Variants in FXYD6 observed in about 807,000 individuals in gnomAD.
FXYD6 encodes the protein FXYD domain-containing ion transport regulator 6.
Under a neutral mutation model 16.7 loss-of-function variants are expected in FXYD6, and 7 were observed. The ratio of observed to expected loss-of-function variants is 0.42; its 90% CI spans 0.24 to 0.79. The LOEUF is 0.79. FXYD6 is among the 30% of genes least tolerant of loss of function. The pLI, the probability that FXYD6 is intolerant of heterozygous loss-of-function variation, is 0.28. For synonymous variants in FXYD6, 49 were observed against 43.0 expected (o/e 1.14, Z -0.54); for missense variants, 111 against 116.2 (o/e 0.95, Z 0.21).
chr11:117,842,050 C>T, intron 2 of FXYD6, 22 bp from the exon 3 acceptor site: 1 of 1,614,086 alleles, frequency 6.2e-7, no homozygotes, highest in Non-Finnish European at 8.5e-7. Context: ...AACAGTTGGT[C>T]AAGAGAAAGA....
Position 117,837,975 on chromosome 11 carries a change from A to G in FXYD6, c.*324T>C, listed in dbSNP as rs1451428579. ...GCCTGGGAAAGCGAGTCCACAGTTCACTAACAAACACAATACCATCCACAA... is the reference window on the plus strand; with the variant it reads ...GCCTGGGAAAGCGAGTCCACAGTTCGCTAACAAACACAATACCATCCACAA... On this transcript the variant is annotated 3_prime_UTR_variant, in exon 8 of 8. Transcript: ENST00000526014. This position sits in a 1 kb window ranked among gnomAD's most constrained non-coding sequence, Gnocchi z 4.4. 1 of 555,138 alleles carries G rather than the reference A, an allele frequency of 1.8e-6. No homozygotes were observed. The highest frequency in any genetic ancestry group is 3.2e-6 in the Non-Finnish European group (1 of 309,330). 34.4% of individuals were successfully genotyped at this position (555,138 alleles called of 1,614,324 possible).
chr11:117,874,045 G>A (rs1037895627), intron 1 of FXYD6, among the ~76,000 whole-genome samples: 20 of 152,118 alleles, frequency 1.3e-4, no homozygotes, highest in African/African-American at 3.9e-4. Context: ...AATCCTGGCC[G>A]AGGAGTTAGA....
chr11:117,859,928 C>A (rs1468149646), intron 1 of FXYD6, among the ~76,000 whole-genome samples: 1 of 152,116 alleles, frequency 6.6e-6, no homozygotes, highest in African/African-American at 2.4e-5. Flanking sequence ...CACCTTACCG[C>A]ACAGCTGGGG....
At position 117,841,656 on chromosome 11, in the gene FXYD6, C is replaced by T. The variant is rs2056347143; in HGVS notation, c.172+135G>A. ...CTATGTGCCCAGCACTCTACTGGGTCGTGAAGATAACACGGAGGGCAGGCA... is the reference window on the plus strand; with the variant it reads ...CTATGTGCCCAGCACTCTACTGGGTTGTGAAGATAACACGGAGGGCAGGCA... On this transcript the variant is annotated intron_variant, in intron 4 of 7. Transcript: ENST00000526014. 3 of 889,466 alleles carry T rather than the reference C, an allele frequency of 3.4e-6. No homozygotes were observed. In the African/African-American group the frequency reaches 4.9e-5, roughly 15 times the overall value. 55.1% of individuals were successfully genotyped at this position (889,466 alleles called of 1,614,324 possible). A position where few individuals can be genotyped will look rare whatever the true frequency, so the allele number is the denominator to read the frequency against.
rs555848680 is a variant in FXYD6, at chr11:117,854,175, T to C, written c.-5-11394A>G. ...GAGACTGGAGTCAAGATGTGGAAGG[T>C]AGATGAAACAACACATTAAGGCCTT... On this transcript the variant is annotated intron_variant, in intron 1 of 7. Transcript: ENST00000526014. 9.2e-5 allele frequency among the ~76,000 whole-genome samples: 14 copies of C among 152,164 alleles called. No homozygotes were observed. In the East Asian group the frequency reaches 1.2e-3, roughly 13 times the overall value.
At chr11:117,856,370 T>C (rs867235222) in intron 1 of FXYD6, among the ~76,000 whole-genome samples, 6 of 152,140 alleles carry the variant, frequency 3.9e-5, no homozygotes, top group Admixed American at 6.5e-5. Context: ...GAAACTTCAT[T>C]ATCTCATCCT....
chr11:117,856,583 T>A (rs1426265911), intron 1 of FXYD6, among the ~76,000 whole-genome samples: 1 of 152,224 alleles, frequency 6.6e-6, no homozygotes, highest in Non-Finnish European at 1.5e-5. Context: ...GGCCGCAGAA[T>A]GCCTGGGCCC....
At chr11:117,858,681 TTCTTTCTTTCTTTCTTTCTTTCTC>T (rs1591577332) in intron 1 of FXYD6, among the ~76,000 whole-genome samples, 1 of 87,734 alleles carries the variant, frequency 1.1e-5, no homozygotes, top group East Asian at 5.9e-4. Context: ...CTTTCTTTCT[TTCTTTCTTTCTTTCTTTCTTTCTC>T]TCTCTCTCTC....
intron 1 of FXYD6, among the ~76,000 whole-genome samples, chr11:117,855,277 G>A (rs900246773): frequency 6.6e-6 from 1 of 152,200 alleles, no homozygotes. Context: ...CTCTACTCCT[G>A]CAAGCTGCTG....
At chr11:117,850,499 T>C (rs1412934529) in intron 1 of FXYD6, among the ~76,000 whole-genome samples, 1 of 152,236 alleles carries the variant, frequency 6.6e-6, no homozygotes. Flanking sequence ...AAATTCTGTA[T>C]TGTCAGGCTT....
At position 117,858,703 on chromosome 11, in the gene FXYD6, C is replaced by CTTTCTTTCTT. The variant is rs72107481; in HGVS notation, c.-5-15923_-5-15922insAAGAAAGAAA. 2.8e-3 allele frequency among the ~76,000 whole-genome samples: 267 copies of CTTTCTTTCTT among 95,380 alleles called. 1 individual carries two copies. Among genetic ancestry groups the CTTTCTTTCTT allele is most frequent in the East Asian group, 8.0e-3 (25 of 3,126 alleles). 62.6% of individuals were successfully genotyped at this position (95,380 alleles called of 152,430 possible). A position where few individuals can be genotyped will look rare whatever the true frequency, so the allele number is the denominator to read the frequency against. The stretch of plus-strand genomic sequence containing the variant: ...TCTTTCTTTCTTTCTTTCTTTCTTT[C>CTTTCTTTCTT]TCTCTCTCTCTCCTTCCTTCCCTTC... On this transcript the variant is annotated intron_variant, in intron 1 of 7. Coordinates refer to ENST00000526014, the MANE Select transcript of FXYD6 (RefSeq NM_022003.4).
chr11:117,839,529 C>T (rs916359284), intron 7 of FXYD6: 7 of 483,114 alleles, frequency 1.4e-5, no homozygotes, highest in African/African-American at 7.6e-5. Context: ...CCTATGCACT[C>T]GGCCAGTGGG....
chr11:117,840,413 C>T, intron 5 of FXYD6, 45 bp from the exon 6 acceptor site: 2 of 1,613,720 alleles, frequency 1.2e-6, no homozygotes, highest in East Asian at 2.2e-5. Flanking sequence ...ATCTCCAGGG[C>T]AGACCCAGAG....
At chr11:117,842,240 A>C (rs2090458643) in intron 2 of FXYD6, 2 of 633,788 alleles carry the variant, frequency 3.2e-6, no homozygotes, top group African/African-American at 1.8e-5. Context: ...AGGCATCGAA[A>C]CTCAGTGAGG....
chr11:117,869,413 C>G (rs1448831898), intron 1 of FXYD6, among the ~76,000 whole-genome samples: 1 of 152,194 alleles, frequency 6.6e-6, no homozygotes, highest in South Asian at 2.1e-4. Flanking sequence ...AGTAGCCCAA[C>G]GGCTCGAATG....
Position 117,840,363 on chromosome 11 carries a change from G to A in FXYD6, c.215C>T (p.Pro72Leu). The A allele has an allele frequency of 3.1e-6, 5 of 1,614,158 alleles. No homozygotes were observed. Among genetic ancestry groups the A allele is most frequent in the Non-Finnish European group, 4.2e-6 (5 of 1,180,028 alleles). ...CTCCACCTGGGCTTCCTCATCTCCT[G>A]GGGCCCTGCAGGAGAAAGAGACACA... The part of the protein sequence containing the change: ...KCSFNQKPRA[P>L]GDEEAQVENL... The change falls in exon 6 of 8, where the codon CCA (proline) becomes CTA (leucine). Residue 72 changes from proline to leucine, a missense_variant. Pro to Leu is a moderately conservative substitution (Grantham distance 98). Coordinates refer to ENST00000526014, the MANE Select transcript of FXYD6 (RefSeq NM_022003.4).
Position 117,841,994 on chromosome 11 carries a change from A to G in FXYD6, c.93T>C (p.His31=), listed in dbSNP as rs761482516. 11 of 1,614,200 alleles carry G rather than the reference A, an allele frequency of 6.8e-6. No homozygotes were observed. The highest frequency in any genetic ancestry group is 8.5e-6 in the Non-Finnish European group (10 of 1,180,042). The part of the protein sequence containing the change: ...AEKEKEMDPF[H]YDYQTLRIGG... The stretch of plus-strand genomic sequence containing the variant: ...CCCAGGGTTGCCATCGCTCACCATA[A>G]TGAAAAGGGTCCATTTCCTTCTCCT... Residue 31 remains histidine, a synonymous_variant, in exon 3 of 8, where the codon CAT becomes CAC. Transcript: ENST00000526014.
intron 5 of FXYD6, 63 bp downstream of exon 5, chr11:117,841,085 C>G (rs1051556246): frequency 2.4e-5 from 39 of 1,603,182 alleles, no homozygotes; most frequent in Non-Finnish European, 3.3e-5. Context: ...GGTCACACAC[C>G]AGGGGTCCCT....
Position 117,862,726 on chromosome 11 carries a change from G to A in FXYD6, c.-6+13866C>T, listed in dbSNP as rs74389020. Among the ~76,000 whole-genome samples, 2,435 of 152,286 alleles carry A rather than the reference G, an allele frequency of 0.016. 179 individuals are homozygous for A. In the East Asian group the frequency reaches 0.21, roughly 13 times the overall value. On this transcript the variant is annotated intron_variant, in intron 1 of 7. Coordinates refer to ENST00000526014, the MANE Select transcript of FXYD6 (RefSeq NM_022003.4). ...TTGGGCCCTGAGACACACAGGCAGG[G>A]CCAAATGGACTTCTGCAAAACCAAG...
Sources: gnomAD v4.1 joint callset for allele counts (sites outside exome capture counted in the v4.1 genomes callset) on GRCh38, gnomAD v4.1.1 for gene constraint, Gnocchi (gnomAD v3.1) non-coding constraint, MANE v1.5 for transcripts, NCBI Gene and HGNC (gene_info 2026-07-23, HGNC 2026-07-21) for gene names.